LRRC71: variants seen among roughly 807,000 people sequenced by gnomAD.
LRRC71 encodes the protein leucine rich repeat containing 71, also known as leucine-rich repeat-containing protein 71.
In LRRC71, 54 loss-of-function variants were observed where a neutral mutation model predicts 66.6. That is an observed-to-expected ratio of 0.81 (90% confidence interval 0.65 to 1.02). The LOEUF is 1.02. Among genes scored for constraint, LRRC71 ranks in the 50% least tolerant of loss-of-function variants. The pLI is 0.00. For missense variants in LRRC71, 724 were observed against 718.0 expected, an observed-to-expected ratio of 1.01 and a Z score of -0.10; for synonymous variants, 323 against 303.9, an observed-to-expected ratio of 1.06 and a Z score of -0.65.
Position 156,920,890 on chromosome 1 carries a change from G to A in LRRC71, c.87G>A (p.Lys29=). Residue 29 remains lysine, a synonymous_variant, in exon 1 of 15, where the codon AAG becomes AAA. Transcript: ENST00000337428. This position sits in a 1 kb window ranked among gnomAD's most constrained non-coding sequence, Gnocchi z 4.9. The part of the protein sequence containing the change: ...TQKSSGAVTK[K]GERAAKEKPA... ...AGTCTTCTGGCGCGGTGACCAAAAA[G>A]GGAGAGCGCGCGGCCAAAGAGAAGC... The A allele has an allele frequency of 1.3e-6, 2 of 1,539,776 alleles. No homozygotes were observed. The highest frequency in any genetic ancestry group is 1.8e-6 in the Non-Finnish European group (2 of 1,142,432).
intron 10 of LRRC71, 81 bp downstream of exon 10, chr1:156,929,510 AAG>A (rs1653947747): frequency 6.3e-7 from 1 of 1,589,142 alleles, no homozygotes; most frequent in African/African-American, 1.3e-5. Flanking sequence ...TGGTGGAGGG[AAG>A]AAGGCCACAT....
At chr1:156,922,001 A>G (rs1203287565) in intron 1 of LRRC71, among the ~76,000 whole-genome samples, 1 of 152,116 alleles carries the variant, frequency 6.6e-6, no homozygotes, top group Admixed American at 6.6e-5. Context: ...AGGCTTCTGG[A>G]CTGGGCACTG....
At chr1:156,938,350 G>T in the LRRC71 span, 1 of 1,457,448 alleles carries the variant, frequency 6.9e-7, no homozygotes, top group Non-Finnish European at 9.5e-7. Context: ...GCAGGGGTCC[G>T]ACTCTGCCCT....
At chr1:156,936,124 T>A, downstream of LRRC71, 1 of 1,525,562 alleles carries the variant, frequency 6.6e-7, no homozygotes, top group Non-Finnish European at 9.1e-7. Context: ...ATGTTTTGTC[T>A]AGAAAGTTCA....
At chr1:156,932,281 G>A in intron 13 of LRRC71, 143 bp from the exon 14 acceptor site, 1 of 706,372 alleles carries the variant, frequency 1.4e-6, no homozygotes, top group South Asian at 1.7e-5. Flanking sequence ...GCTGAGTGAA[G>A]GGCTAGGTCA....
At position 156,929,659 on chromosome 1, in the gene LRRC71, G is replaced by A. The variant is rs1653973573; in HGVS notation, c.1170G>A (p.Lys390=). The A allele has an allele frequency of 6.3e-7, 1 of 1,587,190 alleles. No homozygotes were observed. The highest frequency in any genetic ancestry group is 8.6e-7 in the Non-Finnish European group (1 of 1,166,838). ...KSWELAKKEE[K]LGSGQSPTQG... is the part of the protein sequence containing the mutation. ...AGGAATTGGCCAAGAAAGAGGAGAAGTTGGGGTCTGGGCAGTCACCCACAC... is the reference window on the plus strand; with the variant it reads ...AGGAATTGGCCAAGAAAGAGGAGAAATTGGGGTCTGGGCAGTCACCCACAC... The change falls in exon 11 of 15, where the codon AAG becomes AAA. Residue 390 remains lysine, a synonymous_variant. Coordinates refer to ENST00000337428, the MANE Select transcript of LRRC71 (RefSeq NM_144702.3).
intron 1 of LRRC71, among the ~76,000 whole-genome samples, chr1:156,921,363 C>T (rs1652338797): frequency 6.6e-6 from 1 of 152,198 alleles, no homozygotes; most frequent in Admixed American, 6.5e-5. Flanking sequence ...GGTTTACATC[C>T]TCTGGGAAAA....
downstream of LRRC71, among the ~76,000 whole-genome samples, chr1:156,937,733 T>C (rs547169948): frequency 6.6e-6 from 1 of 152,244 alleles, no homozygotes; most frequent in South Asian, 2.1e-4. Flanking sequence ...TGCTGAGCGA[T>C]GAACTCAAGG....
chr1:156,939,259 C>A, the LRRC71 span: 4 of 412,294 alleles, frequency 9.7e-6, no homozygotes, highest in Middle Eastern at 7.1e-4. Flanking sequence ...TTGGTTTGTG[C>A]CAGGCAGAAA....
chr1:156,936,324 T>C, downstream of LRRC71: 4 of 626,664 alleles, frequency 6.4e-6, no homozygotes, highest in South Asian at 4.4e-5. Flanking sequence ...AGTGTGGTTC[T>C]GAATCATTTA....
At chr1:156,940,878 C>T in the LRRC71 span, among the ~76,000 whole-genome samples, 3 of 152,254 alleles carry the variant, frequency 2.0e-5, no homozygotes, top group Middle Eastern at 3.4e-3. Context: ...AGCCAGGAAA[C>T]CCGAGATTTC....
chr1:156,936,597 G>A (rs142739835), downstream of LRRC71, among the ~76,000 whole-genome samples: 58 of 147,208 alleles, frequency 3.9e-4, no homozygotes, highest in African/African-American at 1.4e-3. Context: ...ATAGCACAAG[G>A]AAAAAGAGGG....
chr1:156,929,366 G>C lies in LRRC71; in HGVS notation c.1083G>C (p.Lys361Asn). 6.2e-7 allele frequency: 1 copy of C among 1,613,768 alleles called. No individual in the cohort carries two copies. ...TCAGCAATAGTGCATTGGTGGACAA[G>C]ACAGACAAGACGCAGACAATGAAAA... ...VGISNSALVD[K>N]TDKTQTMKTP... Residue 361 changes from lysine (K) to asparagine (N), a missense_variant, in exon 10 of 15, where the codon AAG becomes AAC. Transcript: ENST00000337428.
rs1652229373 is a variant in LRRC71, at chr1:156,920,740, G to T, written c.-64G>T. 2.8e-6 allele frequency: 4 copies of T among 1,429,094 alleles called. 1 individual carries two copies. The East Asian group carries it at 1.1e-4, about 39-fold the overall frequency. The allele number at this position is 1,429,094 out of a possible 1,614,324, so 88.5% of individuals were successfully genotyped here. On this transcript the variant is annotated 5_prime_UTR_variant, in exon 1 of 15. Coordinates refer to ENST00000337428, the MANE Select transcript of LRRC71 (RefSeq NM_144702.3). The surrounding 1 kb of genome is among the most constrained non-coding windows in gnomAD (Gnocchi z 4.9). ...TTCAGCCACCCCCAGACTGAGCCCC[G>T]TAGAGTGCGTTCTTACCTTCCTGCC...
At chr1:156,926,336 A>G (rs1479773672) in intron 5 of LRRC71, among the ~76,000 whole-genome samples, 1 of 152,178 alleles carries the variant, frequency 6.6e-6, no homozygotes, top group Non-Finnish European at 1.5e-5. Context: ...ACTTACCTCA[A>G]GGATCAACTG....
intron 5 of LRRC71, among the ~76,000 whole-genome samples, chr1:156,926,540 A>C (rs1653223945): frequency 6.6e-6 from 1 of 151,422 alleles, no homozygotes; most frequent in Admixed American, 6.6e-5. Context: ...GTTCATTAGA[A>C]GTGAGTCACT....
downstream of LRRC71, chr1:156,937,133 T>C: frequency 6.4e-7 from 1 of 1,570,168 alleles, no homozygotes; most frequent in South Asian, 1.2e-5. Context: ...TGGGGGAAGA[T>C]CCCTGGGCCA....
chr1:156,934,955 TTATATA>T (rs955315850), downstream of LRRC71: 1 of 148,114 alleles, frequency 6.8e-6, no homozygotes, highest in Non-Finnish European at 1.5e-5. Flanking sequence ...ATTTTATATA[TTATATA>T]TATATTTATA....
At chr1:156,932,735 C>T in intron 14 of LRRC71, 118 bp from the exon 15 acceptor site, 1 of 1,502,184 alleles carries the variant, frequency 6.7e-7, no homozygotes, top group South Asian at 1.2e-5. Context: ...AATCACTCTG[C>T]TTTTTCTGCA....
Sources: gnomAD v4.1 joint callset for allele counts (sites outside exome capture counted in the v4.1 genomes callset) on GRCh38, gnomAD v4.1.1 for gene constraint, Gnocchi (gnomAD v3.1) non-coding constraint, MANE v1.5 for transcripts, NCBI Gene and HGNC (gene_info 2026-07-23, HGNC 2026-07-21) for gene names.